Variants in WWC2 observed in about 807,000 individuals in gnomAD.
WWC2 encodes the protein WW and C2 domain containing 2.
Under a neutral mutation model 138.5 loss-of-function variants are expected in WWC2, and 101 were observed. The ratio of observed to expected loss-of-function variants is 0.73; its 90% CI spans 0.62 to 0.86. WWC2 has a LOEUF of 0.86. WWC2 is among the 40% of genes least tolerant of loss of function. WWC2 has a pLI of 0.00. For synonymous variants in WWC2, 558 were observed against 538.4 expected, an observed-to-expected ratio of 1.04 and a Z score of -0.50; for missense variants, 1,420 against 1,419.4, an observed-to-expected ratio of 1.00 and a Z score of -0.01.
intron 1 of WWC2, among the ~76,000 whole-genome samples, chr4:183,171,217 G>A (rs1407166366): frequency 1.3e-5 from 2 of 152,022 alleles, no homozygotes; most frequent in Non-Finnish European, 1.5e-5. Context: ...CAGGGTCAAG[G>A]GTTAAAAATA....
intron 1 of WWC2, among the ~76,000 whole-genome samples, chr4:183,132,089 A>G (rs1392167109): frequency 6.6e-6 from 1 of 152,174 alleles, no homozygotes; most frequent in East Asian, 1.9e-4. Context: ...TCAATATTAT[A>G]GTTTTATAAT....
chr4:183,239,293 G>A (rs776503680), intron 4 of WWC2, among the ~76,000 whole-genome samples: 7 of 151,584 alleles, frequency 4.6e-5, no homozygotes, highest in African/African-American at 9.7e-5. Flanking sequence ...CAGCCTGGTC[G>A]ACAGAGCAAG....
intron 1 of WWC2, among the ~76,000 whole-genome samples, chr4:183,140,238 G>A (rs1335082737): frequency 1.3e-5 from 2 of 152,234 alleles, no homozygotes; most frequent in Admixed American, 1.3e-4. Context: ...GTACAGTGGG[G>A]AGGAAGATAG....
chr4:183,285,363 A>G (rs1387466844), intron 19 of WWC2, among the ~76,000 whole-genome samples: 2 of 152,228 alleles, frequency 1.3e-5, no homozygotes, highest in South Asian at 2.1e-4. Context: ...CTTTAAAGAA[A>G]CAAATATCAT....
intron 20 of WWC2, among the ~76,000 whole-genome samples, chr4:183,288,111 G>C (rs1738315708): frequency 6.6e-6 from 1 of 152,198 alleles, no homozygotes; most frequent in Non-Finnish European, 1.5e-5. Flanking sequence ...TGCATTTGTA[G>C]AGAGGAGAGG....
At chr4:183,163,852 A>G (rs1734031062) in intron 1 of WWC2, among the ~76,000 whole-genome samples, 1 of 152,164 alleles carries the variant, frequency 6.6e-6, no homozygotes, top group Non-Finnish European at 1.5e-5. Flanking sequence ...GTATAACATA[A>G]TTATAGTTAG....
At chr4:183,291,657 G>A (rs958806324) in intron 21 of WWC2, among the ~76,000 whole-genome samples, 1 of 152,086 alleles carries the variant, frequency 6.6e-6, no homozygotes, top group African/African-American at 2.4e-5. Flanking sequence ...GTCATGATAT[G>A]AAATTCTAAA....
intron 1 of WWC2, among the ~76,000 whole-genome samples, chr4:183,120,549 G>A (rs1732566859): frequency 1.3e-5 from 2 of 152,202 alleles, no homozygotes; most frequent in African/African-American, 2.4e-5. Flanking sequence ...ATACTGCACT[G>A]TTTTACACAT....
intron 1 of WWC2, among the ~76,000 whole-genome samples, chr4:183,181,069 G>A (rs903626272): frequency 1.3e-5 from 2 of 152,130 alleles, no homozygotes; most frequent in South Asian, 2.1e-4. Context: ...GTAAACAAAT[G>A]TAAAGAGGCA....
chr4:183,281,098 A>G (rs188775090), intron 17 of WWC2: 3 of 617,910 alleles, frequency 4.9e-6, no homozygotes, highest in Non-Finnish European at 7.5e-6. Flanking sequence ...AAGTTAAAAC[A>G]TTAGCCAGAT....
intron 1 of WWC2, among the ~76,000 whole-genome samples, chr4:183,179,001 A>G (rs1734544532): frequency 6.6e-6 from 1 of 152,250 alleles, no homozygotes; most frequent in African/African-American, 2.4e-5. Context: ...CAATACTGGA[A>G]GGGCTAAACT....
chr4:183,268,280 T>TC (rs1737572971), intron 14 of WWC2, among the ~76,000 whole-genome samples: 1 of 152,170 alleles, frequency 6.6e-6, no homozygotes, highest in Non-Finnish European at 1.5e-5. Flanking sequence ...GAATTGTGGG[T>TC]CCTCATACAA....
rs144467517 is a variant in WWC2, at chr4:183,161,562, C to T, written c.132-32037C>T. On this transcript the variant is annotated intron_variant, in intron 1 of 22. Transcript: ENST00000403733. ...GAGTTATAGAAGAAACACAGTCACA[C>T]GCTGCATAAGGACATTTTGGTCAGG... Among the ~76,000 whole-genome samples the T allele has an allele frequency of 3.5e-4, 54 of 152,284 alleles. 1 individual carries two copies. In the South Asian group the frequency reaches 5.6e-3, roughly 16 times the overall value.
chr4:183,142,436 G>A (rs1399417735), intron 1 of WWC2, among the ~76,000 whole-genome samples: 1 of 152,136 alleles, frequency 6.6e-6, no homozygotes, highest in East Asian at 1.9e-4. Context: ...TTCAGTTTAT[G>A]CACACTAATG....
chr4:183,291,596 A>G (rs1434571333), intron 21 of WWC2, among the ~76,000 whole-genome samples: 1 of 152,240 alleles, frequency 6.6e-6, no homozygotes, highest in African/African-American at 2.4e-5. Context: ...TTTTACAACT[A>G]TAGATGCAAA....
chr4:183,250,360 G>A (rs1176947536), intron 8 of WWC2, among the ~76,000 whole-genome samples: 1 of 152,172 alleles, frequency 6.6e-6, no homozygotes, highest in Non-Finnish European at 1.5e-5. Flanking sequence ...GGACTAAATA[G>A]CTGTTGAGGA....
intron 21 of WWC2, among the ~76,000 whole-genome samples, chr4:183,292,343 A>G (rs1159936240): frequency 6.9e-6 from 1 of 143,920 alleles, no homozygotes; most frequent in African/African-American, 2.5e-5. Context: ...TCCCATCTCC[A>G]TGGAAAAAAA....
At chr4:183,267,317 A>G (rs530206409) in intron 14 of WWC2, among the ~76,000 whole-genome samples, 10 of 152,298 alleles carry the variant, frequency 6.6e-5, no homozygotes, top group African/African-American at 1.9e-4. Context: ...AAGTGCCTAG[A>G]TCAACGCAGA....
intron 16 of WWC2, among the ~76,000 whole-genome samples, chr4:183,278,525 G>A (rs1232887739): frequency 2.0e-5 from 3 of 152,154 alleles, no homozygotes; most frequent in South Asian, 2.1e-4. Flanking sequence ...AAAGGCATTG[G>A]TAGCTTGATG....
Sources: allele counts gnomAD v4.1 joint callset (sites outside exome capture counted in the v4.1 genomes callset), GRCh38; gene constraint gnomAD v4.1.1; transcripts MANE v1.5; gene names NCBI Gene and HGNC (gene_info 2026-07-23, HGNC 2026-07-21).